Variants in RORA observed in about 807,000 individuals in gnomAD.
The protein encoded by RORA is RAR related orphan receptor A.
Under a neutral mutation model 69.5 loss-of-function variants are expected in RORA, and 7 were observed. The observed-to-expected ratio is 0.10, with a 90% CI of 0.06 to 0.19. RORA has a LOEUF of 0.19. Ranked by LOEUF, RORA falls within the 10% of genes least tolerant of loss-of-function variation. The pLI, the probability that RORA is intolerant of heterozygous loss-of-function variation, is 1.00. For synonymous variants in RORA, 261 were observed against 240.8 expected, an observed-to-expected ratio of 1.08 and a Z score of -0.78; for missense variants, 457 against 663.0, an observed-to-expected ratio of 0.69 and a Z score of 3.41.
intron 1 of RORA, among the ~76,000 whole-genome samples, chr15:60,768,432 G>A (rs914089244): frequency 4.6e-5 from 7 of 152,224 alleles, no homozygotes; most frequent in Admixed American, 6.5e-5. Context: ...GGTGTGAGCC[G>A]TAGGCTGGCT....
intron 1 of RORA, among the ~76,000 whole-genome samples, chr15:60,993,857 G>T (rs769565350): frequency 2.0e-5 from 3 of 151,992 alleles, no homozygotes; most frequent in Admixed American, 6.6e-5. Flanking sequence ...GACAATTTAG[G>T]GGGTGGATCC....
rs929128419 is a variant in RORA at position 60,979,128 on chromosome 15, A to AT, written c.166+249924dup. ...AGGCACCCACCACCATGCCTGGCTA[A>AT]TTTTTTTTTGTATTTTTAGTAGAGA... On this transcript the variant is annotated intron_variant, in intron 1 of 10. Transcript: ENST00000335670. Among the ~76,000 whole-genome samples the AT allele has an allele frequency of 2.1e-3, 313 of 149,568 alleles. 1 individual carries two copies. Among genetic ancestry groups the AT allele is most frequent in the African/African-American group, 6.9e-3 (282 of 40,788 alleles).
rs971018378 is a variant in RORA, at chr15:61,064,438, T to G, written c.166+164615A>C. Among the ~76,000 whole-genome samples the G allele has an allele frequency of 1.1e-4, 16 of 152,206 alleles. 1 individual carries two copies. The highest frequency in any genetic ancestry group is 2.1e-4 in the Non-Finnish European group (14 of 68,032). The stretch of plus-strand genomic sequence containing the variant: ...TATTAGACCGTCAAGTTACATCCCA[T>G]TATACCTGGACCATAACCTACTACT... On this transcript the variant is annotated intron_variant, in intron 1 of 10. Coordinates refer to ENST00000335670, the MANE Select transcript of RORA (RefSeq NM_134261.3).
At chr15:60,690,203 G>A (rs538842132) in intron 1 of RORA, among the ~76,000 whole-genome samples, 1 of 152,316 alleles carries the variant, frequency 6.6e-6, no homozygotes, top group South Asian at 2.1e-4. Flanking sequence ...GGGCAGTCAA[G>A]TTTTAGATGG....
chr15:61,177,107 C>T (rs374303369), intron 1 of RORA, among the ~76,000 whole-genome samples: 1 of 152,210 alleles, frequency 6.6e-6, no homozygotes, highest in East Asian at 1.9e-4. Flanking sequence ...GTGTTTATAA[C>T]GCACCTTCTG....
At chr15:61,069,640 T>G (rs969787025) in intron 1 of RORA, among the ~76,000 whole-genome samples, 7 of 150,692 alleles carry the variant, frequency 4.6e-5, no homozygotes, top group Non-Finnish European at 3.0e-5. Flanking sequence ...CATTGATTAA[T>G]CCACATTGTG....
At chr15:61,018,111 T>TA (rs1373316819) in intron 1 of RORA, among the ~76,000 whole-genome samples, 1 of 152,254 alleles carries the variant, frequency 6.6e-6, no homozygotes, top group Non-Finnish European at 1.5e-5. Context: ...TCCTATGTGA[T>TA]ACTTTGTTAG....
At chr15:60,678,509 G>A (rs972845360) in intron 2 of RORA, 148 bp downstream of exon 2, 34 of 667,106 alleles carry the variant, frequency 5.1e-5, no homozygotes, top group Middle Eastern at 2.9e-4. Context: ...TGCCACTTCC[G>A]ACCACTACAG....
At chr15:61,112,213 T>TA (rs139351721) in intron 1 of RORA, among the ~76,000 whole-genome samples, 2 of 152,208 alleles carry the variant, frequency 1.3e-5, no homozygotes, top group East Asian at 1.9e-4. Context: ...ACTCTAATAA[T>TA]AAAAAATGGA....
At chr15:60,665,643 A>G (rs146130391) in intron 2 of RORA, among the ~76,000 whole-genome samples, 139 of 152,308 alleles carry the variant, frequency 9.1e-4, no homozygotes, top group South Asian at 6.4e-3. Flanking sequence ...CCAAACTATT[A>G]TAATGCAAAT....
chr15:60,689,229 C>A (rs949640172), intron 1 of RORA, among the ~76,000 whole-genome samples: 2 of 152,138 alleles, frequency 1.3e-5, no homozygotes, highest in Non-Finnish European at 2.9e-5. Context: ...TGAAAGTGGT[C>A]AGCTGTCAGT....
At chr15:60,666,667 T>C (rs1045438274) in intron 2 of RORA, among the ~76,000 whole-genome samples, 5 of 152,064 alleles carry the variant, frequency 3.3e-5, no homozygotes, top group African/African-American at 9.7e-5. Context: ...AATAAGACTT[T>C]ATAGGTGCAG....
chr15:60,708,486 C>T (rs896665912), intron 1 of RORA, among the ~76,000 whole-genome samples: 1 of 151,716 alleles, frequency 6.6e-6, no homozygotes, highest in Non-Finnish European at 1.5e-5. Flanking sequence ...CTCTGGCTTG[C>T]ATTAGAAGTT....
intron 2 of RORA, chr15:60,627,354 T>C (rs1195674015): frequency 6.2e-7 from 1 of 1,614,182 alleles, no homozygotes. Flanking sequence ...AGTCACTGTC[T>C]CCTGGGGCCC....
intron 2 of RORA, among the ~76,000 whole-genome samples, chr15:60,608,911 T>C (rs185670573): frequency 2.0e-5 from 3 of 152,300 alleles, no homozygotes; most frequent in Admixed American, 2.0e-4. Flanking sequence ...ATGGGGGTTT[T>C]ACAGTCTCTG....
chr15:60,685,359 G>T (rs896260649), intron 1 of RORA, among the ~76,000 whole-genome samples: 1 of 152,156 alleles, frequency 6.6e-6, no homozygotes, highest in Non-Finnish European at 1.5e-5. Context: ...AAATTTACAC[G>T]CAGTGCATGA....
chr15:60,794,356 A>C (rs1213016959), intron 1 of RORA, among the ~76,000 whole-genome samples: 1 of 152,146 alleles, frequency 6.6e-6, no homozygotes, highest in African/African-American at 2.4e-5. Context: ...TTCCTTTTTT[A>C]ATTTGCTCCC....
intron 2 of RORA, among the ~76,000 whole-genome samples, chr15:60,674,622 G>C (rs2140741845): frequency 6.6e-6 from 1 of 152,208 alleles, no homozygotes; most frequent in South Asian, 2.1e-4. Flanking sequence ...ATAACACAGT[G>C]CTTTAATTTT....
intron 1 of RORA, among the ~76,000 whole-genome samples, chr15:61,162,382 C>T (rs577112125): frequency 2.0e-4 from 30 of 152,176 alleles, no homozygotes; most frequent in East Asian, 1.7e-3. Flanking sequence ...TATCTTAGTC[C>T]GTATTTTAAT....
Sources: allele counts gnomAD v4.1 joint callset (sites outside exome capture counted in the v4.1 genomes callset), GRCh38; gene constraint gnomAD v4.1.1; transcripts MANE v1.5; gene names NCBI Gene and HGNC (gene_info 2026-07-23, HGNC 2026-07-21).